RPH3A: variants seen among roughly 807,000 people sequenced by gnomAD.
RPH3A encodes the protein rabphilin-3A.
A neutral mutation model predicts 102.2 loss-of-function variants in RPH3A; 48 were observed. The observed-to-expected ratio is 0.47, with a 90% CI of 0.37 to 0.60. The LOEUF (loss-of-function observed/expected upper bound fraction) is 0.60. Ranked by LOEUF, RPH3A falls within the 20% of genes least tolerant of loss-of-function variation. RPH3A has a pLI of 0.00. For missense variants in RPH3A, 781 were observed against 910.1 expected, an observed-to-expected ratio of 0.86 and a Z score of 1.83; for synonymous variants, 310 against 324.3, an observed-to-expected ratio of 0.96 and a Z score of 0.47.
intron 3 of RPH3A, among the ~76,000 whole-genome samples, chr12:112,836,075 A>T (rs2042045152): frequency 1.3e-5 from 2 of 152,220 alleles, no homozygotes; most frequent in Non-Finnish European, 2.9e-5. Flanking sequence ...TTGCCTCCCC[A>T]AACTGGGGAA....
At chr12:112,693,256 C>T (rs1017660795) in intron 1 of RPH3A, among the ~76,000 whole-genome samples, 2 of 152,176 alleles carry the variant, frequency 1.3e-5, no homozygotes, top group African/African-American at 4.8e-5. Flanking sequence ...TTTACTTTGG[C>T]TTATATTGGT....
intron 1 of RPH3A, among the ~76,000 whole-genome samples, chr12:112,622,210 A>T (rs1648890298): frequency 1.1e-5 from 1 of 94,920 alleles, no homozygotes; most frequent in African/African-American, 7.7e-5. Context: ...TGGATGGAGA[A>T]TGATTTTGAC....
At chr12:112,821,952 A>G (rs566108055) in intron 2 of RPH3A, among the ~76,000 whole-genome samples, 150 of 150,938 alleles carry the variant, frequency 9.9e-4, no homozygotes, top group African/African-American at 3.5e-3. Flanking sequence ...CGCTTTTAAG[A>G]TATTGATTGA....
chr12:112,727,499 C>CA (rs1335542734), intron 1 of RPH3A, among the ~76,000 whole-genome samples: 1 of 90,838 alleles, frequency 1.1e-5, no homozygotes, highest in Non-Finnish European at 2.2e-5. Context: ...ACAGACCCCC[C>CA]CCCCCCACAC....
intron 15 of RPH3A, among the ~76,000 whole-genome samples, chr12:112,882,491 A>C (rs2042932127): frequency 6.6e-6 from 1 of 152,210 alleles, no homozygotes; most frequent in South Asian, 2.1e-4. Flanking sequence ...TGATCTTCAG[A>C]AAATGCCTGT....
intron 1 of RPH3A, among the ~76,000 whole-genome samples, chr12:112,666,637 A>G (rs1452877738): frequency 6.6e-6 from 1 of 152,150 alleles, no homozygotes; most frequent in African/African-American, 2.4e-5. Context: ...ATTAAAAAGC[A>G]GTGGTTGAAG....
chr12:112,580,394 C>CTTTTTTTTTT (rs773931202), intron 1 of RPH3A, among the ~76,000 whole-genome samples: 7 of 76,944 alleles, frequency 9.1e-5, no homozygotes, highest in East Asian at 5.4e-4. Flanking sequence ...TTTGTCTTGT[C>CTTTTTTTTTT]TTTTTTTTTT....
At chr12:112,824,919 C>T (rs2041841522) in intron 2 of RPH3A, among the ~76,000 whole-genome samples, 1 of 152,172 alleles carries the variant, frequency 6.6e-6, no homozygotes, top group East Asian at 1.9e-4. Flanking sequence ...TCATGTGTCT[C>T]CTTTATCCCA....
intron 1 of RPH3A, among the ~76,000 whole-genome samples, chr12:112,705,109 G>C (rs1343715425): frequency 6.6e-6 from 1 of 152,064 alleles, no homozygotes; most frequent in African/African-American, 2.4e-5. Context: ...TTGATCTCAG[G>C]GTACAACATG....
intron 2 of RPH3A, among the ~76,000 whole-genome samples, chr12:112,812,566 T>TAGC (rs1461015453): frequency 2.0e-5 from 3 of 152,228 alleles, no homozygotes; most frequent in African/African-American, 7.2e-5. Flanking sequence ...GCCATCTTGA[T>TAGC]AGCTGCATGA....
chr12:112,782,973 C>CACAGTGTTAG (rs1238684390), intron 1 of RPH3A, among the ~76,000 whole-genome samples: 1 of 152,186 alleles, frequency 6.6e-6, no homozygotes, highest in Non-Finnish European at 1.5e-5. Flanking sequence ...ATTTTGGACA[C>CACAGTGTTAG]ACAGTGTTAG....
intron 1 of RPH3A, among the ~76,000 whole-genome samples, chr12:112,687,136 A>G (rs1291958863): frequency 6.6e-6 from 1 of 152,162 alleles, no homozygotes; most frequent in African/African-American, 2.4e-5. Context: ...ATTTGGCTGC[A>G]AGTAAGAGAA....
At chr12:112,894,131 C>T (rs2043142840) in intron 19 of RPH3A, 2 of 188,176 alleles carry the variant, frequency 1.1e-5, no homozygotes, top group South Asian at 2.5e-4. Context: ...TCTGTGCATA[C>T]ACCCAGCCTC....
At chr12:112,882,860 G>T (rs1371336936) in intron 15 of RPH3A, among the ~76,000 whole-genome samples, 1 of 152,206 alleles carries the variant, frequency 6.6e-6, no homozygotes, top group Non-Finnish European at 1.5e-5. Context: ...CTTTCTCTTA[G>T]AGTAAAATGA....
At chr12:112,781,074 C>T (rs1199624141) in intron 1 of RPH3A, among the ~76,000 whole-genome samples, 5 of 152,086 alleles carry the variant, frequency 3.3e-5, no homozygotes, top group African/African-American at 4.8e-5. Context: ...GCAGGAGAAT[C>T]GTTTGAACCC....
chr12:112,609,166 G>A (rs1411116275), intron 1 of RPH3A, among the ~76,000 whole-genome samples: 3 of 152,062 alleles, frequency 2.0e-5, no homozygotes, highest in African/African-American at 7.2e-5. Flanking sequence ...AAGTTCAAGG[G>A]TTATCCTTGA....
At chr12:112,662,075 C>A (rs1310147524) in intron 1 of RPH3A, among the ~76,000 whole-genome samples, 1 of 152,194 alleles carries the variant, frequency 6.6e-6, no homozygotes, top group African/African-American at 2.4e-5. Context: ...TGCTGAAAGT[C>A]ATTCTGTACC....
At chr12:112,609,828 A>T (rs2039624677) in intron 1 of RPH3A, among the ~76,000 whole-genome samples, 2 of 152,208 alleles carry the variant, frequency 1.3e-5, no homozygotes, top group South Asian at 4.1e-4. Flanking sequence ...CAACCCCAGC[A>T]CAAGTCTGAC....
At chr12:112,645,542 T>C (rs576284262) in intron 1 of RPH3A, among the ~76,000 whole-genome samples, 1 of 152,332 alleles carries the variant, frequency 6.6e-6, no homozygotes, top group South Asian at 2.1e-4. Flanking sequence ...CTGCAAGCAG[T>C]GCTTGAACTA....
Sources: gnomAD v4.1 joint callset for allele counts (sites outside exome capture counted in the v4.1 genomes callset) on GRCh38, gnomAD v4.1.1 for gene constraint, MANE v1.5 for transcripts, NCBI Gene and HGNC (gene_info 2026-07-23, HGNC 2026-07-21) for gene names.